The following SYNPO2 variants were observed in gnomAD, a reference collection of about 807,000 sequenced individuals.
The protein encoded by SYNPO2 is synaptopodin-2.
A neutral mutation model predicts 85.0 loss-of-function variants in SYNPO2; 56 were observed. The ratio of observed to expected loss-of-function variants is 0.66; its 90% CI spans 0.53 to 0.82. The LOEUF is 0.82. Ranked by LOEUF, SYNPO2 falls within the 40% of genes least tolerant of loss-of-function variation. The probability of loss-of-function intolerance (pLI) is 0.00; values close to 1 mark genes in which losing one functional copy is unlikely to be tolerated. For synonymous variants in SYNPO2, 602 were observed against 591.1 expected (o/e 1.02, Z -0.27); for missense variants, 1,575 against 1,534.2 (o/e 1.03, Z -0.44).
chr4:118,961,508 C>G (rs1735093159), intron 1 of SYNPO2, among the ~76,000 whole-genome samples: 1 of 152,210 alleles, frequency 6.6e-6, no homozygotes, highest in African/African-American at 2.4e-5. Context: ...GGTGTCCGTT[C>G]AAATAGTATC....
intron 1 of SYNPO2, among the ~76,000 whole-genome samples, chr4:118,921,548 G>T (rs963645740): frequency 1.3e-5 from 2 of 151,988 alleles, no homozygotes; most frequent in African/African-American, 4.8e-5. Context: ...AGGACTTTGA[G>T]CCCAGCCTGG....
intron 1 of SYNPO2, among the ~76,000 whole-genome samples, chr4:118,966,732 C>T (rs565839768): frequency 6.6e-6 from 1 of 152,280 alleles, no homozygotes; most frequent in South Asian, 2.1e-4. Context: ...AGACCCCCCT[C>T]CCCTAGTTCC....
intron 1 of SYNPO2, among the ~76,000 whole-genome samples, chr4:118,955,913 T>C (rs1734859435): frequency 6.6e-6 from 1 of 152,108 alleles, no homozygotes; most frequent in Non-Finnish European, 1.5e-5. Context: ...ACCTGGAAGT[T>C]GGTGCATTTT....
chr4:118,954,268 A>G (rs1734795479), intron 1 of SYNPO2, among the ~76,000 whole-genome samples: 1 of 152,182 alleles, frequency 6.6e-6, no homozygotes, highest in Non-Finnish European at 1.5e-5. Flanking sequence ...TTGCCTCCAA[A>G]TGTGCCTTCA....
chr4:118,948,848 AG>A (rs1734592390), intron 1 of SYNPO2, among the ~76,000 whole-genome samples: 1 of 152,180 alleles, frequency 6.6e-6, no homozygotes, highest in Non-Finnish European at 1.5e-5. Context: ...TGAGATTTGG[AG>A]GGGACAAATA....
At chr4:118,891,146 C>T (rs936829957) in intron 1 of SYNPO2, among the ~76,000 whole-genome samples, 1 of 152,150 alleles carries the variant, frequency 6.6e-6, no homozygotes, top group Non-Finnish European at 1.5e-5. Flanking sequence ...TGTCAGAATC[C>T]AGTCCTACAC....
intron 1 of SYNPO2, among the ~76,000 whole-genome samples, chr4:118,912,720 A>G (rs566618582): frequency 3.3e-5 from 5 of 152,288 alleles, no homozygotes; most frequent in African/African-American, 1.2e-4. Context: ...TTTAATTTAA[A>G]TAATTATATT....
intron 1 of SYNPO2, among the ~76,000 whole-genome samples, chr4:118,968,977 C>T (rs1189417465): frequency 1.3e-5 from 2 of 152,080 alleles, no homozygotes; most frequent in Non-Finnish European, 2.9e-5. Flanking sequence ...CAAAACAGAA[C>T]GAGAAAATCC....
intron 1 of SYNPO2, among the ~76,000 whole-genome samples, chr4:118,976,710 G>C (rs4488925): frequency 0.39 from 59,451 of 151,740 alleles, 11,638 homozygotes; most frequent in South Asian, 0.52. Context: ...GTGTCGATTG[G>C]TGCATTCACA....
At chr4:118,992,035 G>A (rs1736437497) in intron 1 of SYNPO2, among the ~76,000 whole-genome samples, 2 of 152,274 alleles carry the variant, frequency 1.3e-5, no homozygotes, top group African/African-American at 2.4e-5. Flanking sequence ...CTAAGAATAG[G>A]GAGAACTTCA....
chr4:119,026,721 C>G lies in SYNPO2; in HGVS notation c.352C>G (p.Leu118Val), dbSNP rs766607102. The G allele has an allele frequency of 1.2e-6, 2 of 1,614,182 alleles. No individual in the cohort carries two copies. The highest frequency in any genetic ancestry group is 1.7e-6 in the Non-Finnish European group (2 of 1,180,024). Residue 118 changes from leucine (L) to valine (V), a missense_variant, in exon 3 of 5, where the codon CTG becomes GTG. Coordinates refer to ENST00000307142, the MANE Select transcript of SYNPO2 (RefSeq NM_133477.3). ...THGGYVESTT[L>V]QIRPATKTQC... ...TGGGGGTTATGTGGAAAGTACCACC[C>G]TGCAGATTCGACCGGCCACAAAGAC...
At chr4:119,026,059 T>C (rs926872772) in intron 2 of SYNPO2, among the ~76,000 whole-genome samples, 2 of 152,244 alleles carry the variant, frequency 1.3e-5, no homozygotes, top group Non-Finnish European at 2.9e-5. Flanking sequence ...AAAGGATTTC[T>C]CTTTACGCAA....
At chr4:118,920,584 A>G (rs1733500761) in intron 1 of SYNPO2, among the ~76,000 whole-genome samples, 1 of 152,178 alleles carries the variant, frequency 6.6e-6, no homozygotes, top group Non-Finnish European at 1.5e-5. Flanking sequence ...AGGAAAGGCA[A>G]TAATTTTCTG....
intron 1 of SYNPO2, among the ~76,000 whole-genome samples, chr4:118,984,888 T>G (rs894439804): frequency 3.9e-5 from 6 of 152,232 alleles, no homozygotes; most frequent in African/African-American, 1.4e-4. Context: ...CTCAAGACAC[T>G]GAGAAATCCA....
At chr4:118,976,908 T>C (rs981057946) in intron 1 of SYNPO2, among the ~76,000 whole-genome samples, 2 of 152,108 alleles carry the variant, frequency 1.3e-5, no homozygotes, top group African/African-American at 2.4e-5. Flanking sequence ...AGGGTGCTGA[T>C]TGGTGTATTT....
chr4:118,965,750 T>C (rs1366684912), intron 1 of SYNPO2, among the ~76,000 whole-genome samples: 2 of 152,220 alleles, frequency 1.3e-5, no homozygotes, highest in Admixed American at 1.3e-4. Flanking sequence ...CCTGTCCTCA[T>C]GGATTTACAT....
chr4:119,037,349 T>A, intron 4 of SYNPO2: 1 of 1,250,698 alleles, frequency 8.0e-7, no homozygotes, highest in African/African-American at 1.5e-5. Flanking sequence ...TGAAAAAATT[T>A]CAAAAATCAA....
intron 1 of SYNPO2, among the ~76,000 whole-genome samples, chr4:118,898,286 T>G (rs1394944799): frequency 2.6e-5 from 4 of 152,214 alleles, no homozygotes; most frequent in Non-Finnish European, 5.9e-5. Context: ...TTCCATTTCC[T>G]GCTCTGTGTT....
chr4:118,966,285 C>T (rs1048720743), intron 1 of SYNPO2, among the ~76,000 whole-genome samples: 5 of 151,994 alleles, frequency 3.3e-5, no homozygotes, highest in East Asian at 1.9e-4. Flanking sequence ...GGCTCCTATA[C>T]CTCAATGCTC....
Sources: gnomAD v4.1 joint callset for allele counts (sites outside exome capture counted in the v4.1 genomes callset) on GRCh38, gnomAD v4.1.1 for gene constraint, MANE v1.5 for transcripts, NCBI Gene and HGNC (gene_info 2026-07-23, HGNC 2026-07-21) for gene names.